The following WHRN variants were observed in gnomAD, a reference collection of about 807,000 sequenced individuals.
WHRN encodes CASK-interacting protein CIP98.
A neutral mutation model predicts 68.3 loss-of-function variants in WHRN; 41 were observed. The ratio of observed to expected loss-of-function variants is 0.60; its 90% CI spans 0.47 to 0.78. The LOEUF (loss-of-function observed/expected upper bound fraction) is 0.78. Ranked by LOEUF, WHRN falls within the 30% of genes least tolerant of loss-of-function variation. WHRN has a pLI of 0.00. For missense variants in WHRN, 1,243 were observed against 1,244.7 expected (o/e 1.00, Z 0.02); for synonymous variants, 560 against 561.3 (o/e 1.00, Z 0.03).
chr9:114,483,619 GAGCAGCCTAC>G (rs1398262756), intron 1 of WHRN, among the ~76,000 whole-genome samples: 1 of 152,304 alleles, frequency 6.6e-6, no homozygotes, highest in East Asian at 1.9e-4. Context: ...TCTCTCACCA[GAGCAGCCTAC>G]AGAGTGAGTA....
chr9:114,459,301 T>TAC (rs1840054680), intron 3 of WHRN, among the ~76,000 whole-genome samples: 1 of 59,708 alleles, frequency 1.7e-5, no homozygotes, highest in Non-Finnish European at 3.5e-5. Flanking sequence ...CTACTAAAAA[T>TAC]ACAAAAAAAA....
At chr9:114,462,948 C>G (rs139136948) in intron 3 of WHRN, among the ~76,000 whole-genome samples, 1 of 152,322 alleles carries the variant, frequency 6.6e-6, no homozygotes, top group African/African-American at 2.4e-5. Flanking sequence ...ATGCTCAGTG[C>G]TCGCAGGCCA....
At chr9:114,431,042 T>G (rs942505036) in intron 3 of WHRN, among the ~76,000 whole-genome samples, 1 of 152,218 alleles carries the variant, frequency 6.6e-6, no homozygotes, top group African/African-American at 2.4e-5. Flanking sequence ...ATCACTGTGA[T>G]GTAGAGTCCA....
chr9:114,476,169 C>T (rs1589224826), intron 2 of WHRN, among the ~76,000 whole-genome samples: 1 of 152,132 alleles, frequency 6.6e-6, no homozygotes, highest in African/African-American at 2.4e-5. Flanking sequence ...GGTCTCACTA[C>T]GTTGCCTAGG....
intron 1 of WHRN, among the ~76,000 whole-genome samples, chr9:114,492,909 C>T (rs1337538268): frequency 1.3e-5 from 2 of 151,858 alleles, no homozygotes; most frequent in African/African-American, 4.8e-5. Context: ...CCCAGCTACT[C>T]GGGAGGCTGA....
intron 3 of WHRN, among the ~76,000 whole-genome samples, chr9:114,460,094 G>A (rs1341435616): frequency 1.3e-5 from 2 of 152,174 alleles, no homozygotes; most frequent in Non-Finnish European, 2.9e-5. Flanking sequence ...GGAGGCCGTG[G>A]GCCAGGCAAG....
rs189556196 is a variant in WHRN, at chr9:114,494,831, A to G, written c.618+9353T>C. ...GTGTCTGGTTCATTCTAAGCCCTCT[A>G]TCAAAGGTTATTATCATACAATGAG... On this transcript the variant is annotated intron_variant, in intron 1 of 11. Coordinates refer to ENST00000362057, the MANE Select transcript of WHRN (RefSeq NM_015404.4). Among the ~76,000 whole-genome samples, 24 of 151,914 alleles carry G rather than the reference A, an allele frequency of 1.6e-4. No individual in the cohort carries two copies. The East Asian group carries it at 3.7e-3, about 23-fold the overall frequency.
intron 3 of WHRN, among the ~76,000 whole-genome samples, chr9:114,437,028 C>A (rs1302714100): frequency 6.6e-6 from 1 of 152,114 alleles, no homozygotes; most frequent in African/African-American, 2.4e-5. Flanking sequence ...GACACTAAAG[C>A]CTGCTCTAAA....
At chr9:114,479,440 A>C (rs185918933) in intron 1 of WHRN, among the ~76,000 whole-genome samples, 5 of 152,298 alleles carry the variant, frequency 3.3e-5, no homozygotes, top group Non-Finnish European at 4.4e-5. Flanking sequence ...TCTGCTCTGT[A>C]TCCTTTGGAT....
At chr9:114,444,881 G>T (rs1004879603) in intron 3 of WHRN, among the ~76,000 whole-genome samples, 13 of 151,868 alleles carry the variant, frequency 8.6e-5, no homozygotes, top group African/African-American at 3.1e-4. Context: ...TCTGATCCCA[G>T]TTTTGCTGAA....
intron 2 of WHRN, among the ~76,000 whole-genome samples, chr9:114,477,164 G>A (rs117837076): frequency 1.3e-5 from 2 of 152,282 alleles, no homozygotes; most frequent in East Asian, 3.9e-4. Flanking sequence ...TCTCTGCCGC[G>A]TCCTGCATAT....
chr9:114,431,972 GT>G (rs1837463308), intron 3 of WHRN, among the ~76,000 whole-genome samples: 1 of 152,230 alleles, frequency 6.6e-6, no homozygotes, highest in Admixed American at 6.5e-5. Flanking sequence ...GGAGAGACAG[GT>G]GCCAAGTGTG....
rs144116905 is a variant in WHRN, at chr9:114,482,246, CTGAT to C, written c.619-3479_619-3476del. ...ACAGTAGGTCCTGAAAAAAGACTGCCTGATTGATTAAGAAAGTAAATATTGCCCC... is the reference window on the plus strand; with the variant it reads ...ACAGTAGGTCCTGAAAAAAGACTGCCTGATTAAGAAAGTAAATATTGCCCC... On this transcript the variant is annotated intron_variant, in intron 1 of 11. Transcript: ENST00000362057. 3.7e-3 allele frequency among the ~76,000 whole-genome samples: 557 copies of C among 152,260 alleles called. 4 individuals are homozygous for C. Among genetic ancestry groups the C allele is most frequent in the African/African-American group, 0.011 (453 of 41,546 alleles).
intron 3 of WHRN, among the ~76,000 whole-genome samples, chr9:114,441,473 A>C (rs1040221832): frequency 4.9e-4 from 75 of 152,216 alleles, no homozygotes; most frequent in African/African-American, 1.4e-3. Flanking sequence ...GCCATTCCCC[A>C]TTGAGAAATA....
chr9:114,500,684 C>CATAACCA (rs1159335598), intron 1 of WHRN, among the ~76,000 whole-genome samples: 3 of 152,218 alleles, frequency 2.0e-5, no homozygotes, highest in Non-Finnish European at 2.9e-5. Flanking sequence ...TCTGCTACCG[C>CATAACCA]ATAACCAGGA....
Position 114,504,427 on chromosome 9 carries a change from G to A in WHRN, c.375C>T (p.Pro125=). The change falls in exon 1 of 12, where the codon CCC becomes CCT. Residue 125 remains proline (P), a synonymous_variant. Coordinates refer to ENST00000362057, the MANE Select transcript of WHRN (RefSeq NM_015404.4). ...YLPATTPYRQ[P]AWGGPDSAGP... ...CCGCGCTGTCGGGGCCGCCCCAGGCGGGCTGCCTGTAGGGGGTGGTGGCGG... is the reference window on the plus strand; with the variant it reads ...CCGCGCTGTCGGGGCCGCCCCAGGCAGGCTGCCTGTAGGGGGTGGTGGCGG... 1.2e-6 allele frequency: 2 copies of A among 1,606,618 alleles called. No homozygotes were observed. Among genetic ancestry groups the A allele is most frequent in the Non-Finnish European group, 1.7e-6 (2 of 1,179,500 alleles).
At chr9:114,412,937 C>T (rs933871294) in intron 7 of WHRN, among the ~76,000 whole-genome samples, 3 of 152,238 alleles carry the variant, frequency 2.0e-5, no homozygotes, top group African/African-American at 7.2e-5. Flanking sequence ...TTCTAGGCCT[C>T]CTTCCCCTCA....
intron 3 of WHRN, among the ~76,000 whole-genome samples, chr9:114,444,512 A>G (rs976670999): frequency 4.6e-5 from 7 of 152,104 alleles, no homozygotes; most frequent in Admixed American, 6.5e-5. Flanking sequence ...CAAATAGTCA[A>G]ACAGTAAAAA....
At chr9:114,494,307 C>T (rs1186094823) in intron 1 of WHRN, among the ~76,000 whole-genome samples, 1 of 152,224 alleles carries the variant, frequency 6.6e-6, no homozygotes, top group Non-Finnish European at 1.5e-5. Flanking sequence ...GGAGTTTGAA[C>T]ATGGTAAATG....
Sources: gnomAD v4.1 joint callset for allele counts (sites outside exome capture counted in the v4.1 genomes callset) on GRCh38, gnomAD v4.1.1 for gene constraint, MANE v1.5 for transcripts, NCBI Gene and HGNC (gene_info 2026-07-23, HGNC 2026-07-21) for gene names.